Variants in IL1RL1 observed in about 807,000 individuals in gnomAD.
The protein encoded by IL1RL1 is interleukin-1 receptor-like 1.
A neutral mutation model predicts 50.9 loss-of-function variants in IL1RL1; 32 were observed. The ratio of observed to expected loss-of-function variants is 0.63; its 90% CI spans 0.47 to 0.84. The LOEUF is 0.84. Ranked by LOEUF, IL1RL1 falls within the 40% of genes least tolerant of loss-of-function variation. IL1RL1 has a pLI of 0.00. For missense variants in IL1RL1, 773 were observed against 662.9 expected (o/e 1.17, Z -1.82); for synonymous variants, 275 against 236.0 (o/e 1.17, Z -1.51).
intron 1 of IL1RL1, among the ~76,000 whole-genome samples, chr2:102,311,981 A>ATATATAT (rs1559592178): frequency 3.1e-5 from 1 of 32,050 alleles, no homozygotes; most frequent in East Asian, 9.7e-4. Context: ...ATTATATATA[A>ATATATAT]TATATATTAT....
intron 1 of IL1RL1, among the ~76,000 whole-genome samples, chr2:102,334,535 A>C (rs1347914780): frequency 6.6e-6 from 1 of 152,176 alleles, no homozygotes; most frequent in Non-Finnish European, 1.5e-5. Flanking sequence ...TCATCAATAA[A>C]AAAAAATAAA....
intron 3 of IL1RL1, among the ~76,000 whole-genome samples, 191 bp from the exon 4 acceptor site, chr2:102,339,906 TG>T (rs1259917742): frequency 6.6e-6 from 1 of 152,200 alleles, no homozygotes; most frequent in Non-Finnish European, 1.5e-5. Context: ...ATGGGGGCTA[TG>T]TTTTTAGCTC....
intron 1 of IL1RL1, chr2:102,337,118 ATATT>A (rs1306740493): frequency 6.6e-6 from 1 of 152,224 alleles, no homozygotes; most frequent in Non-Finnish European, 1.5e-5. Context: ...TTATGTTTAA[ATATT>A]TATTTGTCAA....
At chr2:102,347,508 T>A (rs1040085978) in intron 8 of IL1RL1, among the ~76,000 whole-genome samples, 5 of 152,156 alleles carry the variant, frequency 3.3e-5, no homozygotes, top group Non-Finnish European at 7.4e-5. Flanking sequence ...AAAACACACT[T>A]CCTCTCTGCA....
At position 102,343,638 on chromosome 2, in the gene IL1RL1, C is replaced by T. The variant is rs1211421781; in HGVS notation, c.970+223C>T. The stretch of plus-strand genomic sequence containing the variant: ...AATTGTTCGTCCTCCCCCACTCCCT[C>T]CTATCGTTGGTTTGTCTAGAACACT... On this transcript the variant is annotated intron_variant, in intron 8 of 10. Transcript: ENST00000233954. 7 of 1,427,532 alleles carry T rather than the reference C, an allele frequency of 4.9e-6. No individual in the cohort carries two copies. In the East Asian group the frequency reaches 1.8e-4, roughly 36 times the overall value. The allele number at this position is 1,427,532 out of a possible 1,614,324, so 88.4% of individuals were successfully genotyped here.
chr2:102,320,807 C>T (rs1016834049), intron 1 of IL1RL1, among the ~76,000 whole-genome samples: 9 of 152,174 alleles, frequency 5.9e-5, no homozygotes, highest in Admixed American at 2.6e-4. Context: ...TCATAGCCAC[C>T]GTCTCTGTCT....
At chr2:102,347,200 C>A (rs1278077296) in intron 8 of IL1RL1, among the ~76,000 whole-genome samples, 1 of 152,218 alleles carries the variant, frequency 6.6e-6, no homozygotes, top group Non-Finnish European at 1.5e-5. Context: ...CCTGACAGCA[C>A]CTTGTCCGTT....
At chr2:102,337,100 T>A (rs1677353348) in intron 1 of IL1RL1, 1 of 152,232 alleles carries the variant, frequency 6.6e-6, no homozygotes, top group Non-Finnish European at 1.5e-5. Flanking sequence ...GATTACTCAA[T>A]GTTGTTTTTA....
chr2:102,348,364 G>T (rs1677838801), intron 9 of IL1RL1, among the ~76,000 whole-genome samples: 1 of 152,102 alleles, frequency 6.6e-6, no homozygotes. Context: ...AACAGAATCT[G>T]CCCCAAGCCC....
At chr2:102,341,130 T>A in intron 5 of IL1RL1, 1 of 1,007,088 alleles carries the variant, frequency 9.9e-7, no homozygotes, top group East Asian at 7.8e-5. Flanking sequence ...ACTTACTTTT[T>A]TTGAATGGCA....
chr2:102,311,935 T>C (rs1676499699), intron 1 of IL1RL1, among the ~76,000 whole-genome samples: 1 of 29,328 alleles, frequency 3.4e-5, no homozygotes, highest in African/African-American at 1.8e-4. Context: ...ATATATATTA[T>C]ATATAATATT....
intron 8 of IL1RL1, among the ~76,000 whole-genome samples, chr2:102,346,364 A>G (rs1041761478): frequency 1.6e-4 from 25 of 152,254 alleles, no homozygotes; most frequent in African/African-American, 5.8e-4. Context: ...GCGAAATACT[A>G]CAGTTATGGA....
At chr2:102,345,479 G>A in intron 8 of IL1RL1, 1 of 985,404 alleles carries the variant, frequency 1.0e-6, no homozygotes, top group African/African-American at 1.7e-5. Context: ...CTGTCAAATA[G>A]CCAAAGAGTG....
chr2:102,348,095 A>G lies in IL1RL1; in HGVS notation c.1117+4A>G. 6.2e-7 allele frequency: 1 copy of G among 1,605,958 alleles called. No homozygotes were observed. The highest frequency in any genetic ancestry group is 8.5e-7 in the Non-Finnish European group (1 of 1,176,308). ...AAACCTTACAAGACTAGGAATGGTA[A>G]GTGGCAAATACCAAGTTTTTCTCCC... On this transcript the variant is annotated splice_donor_region_variant and intron_variant, in intron 9 of 10. Transcript: ENST00000233954.
intron 1 of IL1RL1, among the ~76,000 whole-genome samples, chr2:102,323,247 TTATATA>T (rs371889389): frequency 1.1e-4 from 11 of 98,704 alleles, no homozygotes; most frequent in Admixed American, 9.4e-5. Flanking sequence ...TTGTTAGGTT[TTATATA>T]TATATATATA....
chr2:102,320,709 C>A (rs758597872), intron 1 of IL1RL1, among the ~76,000 whole-genome samples: 11 of 152,130 alleles, frequency 7.2e-5, no homozygotes, highest in Non-Finnish European at 1.6e-4. Flanking sequence ...GCTCTCATAT[C>A]CTGTCCATCA....
chr2:102,321,319 C>G (rs1369661059), intron 1 of IL1RL1, among the ~76,000 whole-genome samples: 1 of 152,110 alleles, frequency 6.6e-6, no homozygotes, highest in African/African-American at 2.4e-5. Context: ...ATTTTTGTTT[C>G]CCTTTGCTCT....
intron 1 of IL1RL1, among the ~76,000 whole-genome samples, chr2:102,322,801 C>A (rs183631946): frequency 2.0e-5 from 3 of 152,308 alleles, no homozygotes; most frequent in Admixed American, 6.5e-5. Context: ...TGCCCTCACA[C>A]CTTTCCAATC....
chr2:102,327,567 C>A (rs937572173), intron 1 of IL1RL1, among the ~76,000 whole-genome samples: 7 of 152,098 alleles, frequency 4.6e-5, no homozygotes, highest in Non-Finnish European at 1.0e-4. Context: ...AATACAGGAG[C>A]TGGTTTTTTG....
Sources: allele counts gnomAD v4.1 joint callset (sites outside exome capture counted in the v4.1 genomes callset), GRCh38; gene constraint gnomAD v4.1.1; transcripts MANE v1.5; gene names NCBI Gene and HGNC (gene_info 2026-07-23, HGNC 2026-07-21).